DIP2B: variants seen among roughly 807,000 people sequenced by gnomAD.
DIP2B encodes the protein disco-interacting protein 2 homolog B.
In DIP2B, 76 loss-of-function variants were observed where a neutral mutation model predicts 198.0. That is an observed-to-expected ratio of 0.38 (90% CI 0.32 to 0.46). The LOEUF (loss-of-function observed/expected upper bound fraction) is 0.46. DIP2B is among the 20% of genes least tolerant of loss of function. The pLI, the probability that DIP2B is intolerant of heterozygous loss-of-function variation, is 0.99. For missense variants in DIP2B, 1,559 were observed against 1,978.4 expected, an observed-to-expected ratio of 0.79 and a Z score of 4.02; for synonymous variants, 701 against 739.1, an observed-to-expected ratio of 0.95 and a Z score of 0.84.
chr12:50,641,699 T>C (rs112207570), intron 3 of DIP2B, among the ~76,000 whole-genome samples: 311 of 152,298 alleles, frequency 2.0e-3, no homozygotes, highest in African/African-American at 7.1e-3. Context: ...CTCCTGCTTG[T>C]ACTGTGCTTG....
chr12:50,701,380 TTTG>T (rs923771734), intron 19 of DIP2B, among the ~76,000 whole-genome samples: 26 of 152,292 alleles, frequency 1.7e-4, no homozygotes, highest in African/African-American at 5.8e-4. Flanking sequence ...GGTTTGTTTT[TTTG>T]TTGTTGTTGT....
At chr12:50,645,498 C>A (rs1938334821) in intron 3 of DIP2B, among the ~76,000 whole-genome samples, 1 of 148,428 alleles carries the variant, frequency 6.7e-6, no homozygotes, top group Non-Finnish European at 1.5e-5. Flanking sequence ...CACTCTGTCA[C>A]TCAGGCTGGA....
chr12:50,617,281 G>A (rs1007016458), intron 1 of DIP2B, among the ~76,000 whole-genome samples: 7 of 150,798 alleles, frequency 4.6e-5, no homozygotes, highest in African/African-American at 1.2e-4. Context: ...TCAGTCTCCC[G>A]AGTAGCTGGG....
chr12:50,542,369 T>C (rs1958334621), intron 1 of DIP2B, among the ~76,000 whole-genome samples: 1 of 152,184 alleles, frequency 6.6e-6, no homozygotes. Context: ...TTTTCATCTT[T>C]GTTGATGCAT....
chr12:50,593,213 G>T (rs980441224), intron 1 of DIP2B, among the ~76,000 whole-genome samples: 2 of 152,116 alleles, frequency 1.3e-5, no homozygotes, highest in East Asian at 1.9e-4. Flanking sequence ...TTTTAAAAAT[G>T]TAGAACTTGT....
At chr12:50,653,346 C>CTTTTTTTTTTTTTTTTTTTTTTT (rs34185073) in intron 3 of DIP2B, among the ~76,000 whole-genome samples, 9 of 76,638 alleles carry the variant, frequency 1.2e-4, no homozygotes, top group East Asian at 3.6e-4. Flanking sequence ...TTTTTCTTTT[C>CTTTTTTTTTTTTTTTTTTTTTTT]TTTTTTTTTT....
Position 50,640,666 on chromosome 12 carries a change from T to A in DIP2B, c.173-58T>A, listed in dbSNP as rs926583256. ...TATTGTGAGAATGCTTAAAGTGCTT[T>A]AGAAAATGTTAGCTATTACTGTTAC... is the stretch of plus-strand genomic sequence containing the variant. On this transcript the variant is annotated intron_variant, in intron 2 of 37. Coordinates refer to ENST00000301180, the MANE Select transcript of DIP2B (RefSeq NM_173602.3). 3.1e-6 allele frequency: 5 copies of A among 1,590,988 alleles called. No homozygotes were observed. In the African/African-American group the frequency reaches 6.7e-5, roughly 21 times the overall value.
chr12:50,669,543 G>T (rs2139522227), intron 4 of DIP2B, among the ~76,000 whole-genome samples: 1 of 152,226 alleles, frequency 6.6e-6, no homozygotes, highest in Non-Finnish European at 1.5e-5. Context: ...GTCTGCCTCA[G>T]CTTCCCGAGT....
intron 1 of DIP2B, among the ~76,000 whole-genome samples, chr12:50,623,431 ACACACACTCTCT>A (rs759285114): frequency 0.013 from 674 of 51,526 alleles, 4 homozygotes; most frequent in African/African-American, 0.036. Flanking sequence ...ACACACACAC[ACACACACTCTCT>A]CTCTCTCTCT....
chr12:50,572,772 A>G (rs577311320), intron 1 of DIP2B, among the ~76,000 whole-genome samples: 1 of 152,370 alleles, frequency 6.6e-6, no homozygotes, highest in South Asian at 2.1e-4. Context: ...AGAATTTAGA[A>G]TAACAGAAAA....
At position 50,707,512 on chromosome 12, in the gene DIP2B, T is replaced by A. The variant is rs1592136887; in HGVS notation, c.2534+847T>A. ...ACTCTGCTCTCCGGTGCCTTCCCATTCTTTCATGCATTCATTCAACAAATA... is the reference window on the plus strand; with the variant it reads ...ACTCTGCTCTCCGGTGCCTTCCCATACTTTCATGCATTCATTCAACAAATA... On this transcript the variant is annotated intron_variant, in intron 21 of 37. Coordinates refer to ENST00000301180, the MANE Select transcript of DIP2B (RefSeq NM_173602.3). 2.0e-5 allele frequency among the ~76,000 whole-genome samples: 3 copies of A among 152,214 alleles called. No individual in the cohort carries two copies. The South Asian group carries it at 6.2e-4, about 32-fold the overall frequency.
chr12:50,727,464 T>A (rs1055101426), intron 28 of DIP2B, among the ~76,000 whole-genome samples: 1 of 152,244 alleles, frequency 6.6e-6, no homozygotes, highest in Non-Finnish European at 1.5e-5. Context: ...TTCCCCTTAC[T>A]AAGCTGCTAG....
chr12:50,645,474 T>C (rs79565170), intron 3 of DIP2B, among the ~76,000 whole-genome samples: 2 of 151,808 alleles, frequency 1.3e-5, no homozygotes, highest in Non-Finnish European at 2.9e-5. Context: ...TTTTTTTTTT[T>C]TGAGACAGGG....
chr12:50,644,641 C>G (rs1938318878), intron 3 of DIP2B, among the ~76,000 whole-genome samples: 1 of 152,168 alleles, frequency 6.6e-6, no homozygotes. Flanking sequence ...TAATAGATAA[C>G]TGAACATCTC....
At chr12:50,625,852 C>A in intron 1 of DIP2B, 124 bp from the exon 2 acceptor site, 1 of 818,040 alleles carries the variant, frequency 1.2e-6, no homozygotes, top group Non-Finnish European at 1.8e-6. Flanking sequence ...CCATACATTC[C>A]CCCCCCCAAC....
chr12:50,620,808 C>T (rs1355880124), intron 1 of DIP2B, among the ~76,000 whole-genome samples: 1 of 152,184 alleles, frequency 6.6e-6, no homozygotes. Context: ...TCTGTGCTCT[C>T]CCTTGTGGCT....
chr12:50,669,030 T>C (rs1270256541), intron 4 of DIP2B, among the ~76,000 whole-genome samples: 1 of 152,190 alleles, frequency 6.6e-6, no homozygotes. Context: ...TCACTATTTA[T>C]CTCTCCACCC....
At chr12:50,602,012 A>G (rs900346500) in intron 1 of DIP2B, among the ~76,000 whole-genome samples, 2 of 152,196 alleles carry the variant, frequency 1.3e-5, no homozygotes, top group Non-Finnish European at 2.9e-5. Flanking sequence ...TCATGTTATT[A>G]GCCACTCAGG....
rs184427800 is a variant in DIP2B, at chr12:50,561,536, A to G, written c.100+56296A>G. Among the ~76,000 whole-genome samples the G allele has an allele frequency of 4.6e-5, 7 of 152,310 alleles. 1 individual carries two copies. The East Asian group carries it at 1.3e-3, about 29-fold the overall frequency. On this transcript the variant is annotated intron_variant, in intron 1 of 37. Coordinates refer to ENST00000301180, the MANE Select transcript of DIP2B (RefSeq NM_173602.3). ...CATCCATAAACACATTGCATCTCAG[A>G]TAACAGAACACCTTAATTTATGGAA...
Sources: gnomAD v4.1 joint callset for allele counts (sites outside exome capture counted in the v4.1 genomes callset) on GRCh38, gnomAD v4.1.1 for gene constraint, MANE v1.5 for transcripts, NCBI Gene and HGNC (gene_info 2026-07-23, HGNC 2026-07-21) for gene names.